The following MAP3K13 variants were observed in gnomAD, a reference collection of about 807,000 sequenced individuals.
The protein encoded by MAP3K13 is leucine zipper-bearing kinase.
A neutral mutation model predicts 104.0 loss-of-function variants in MAP3K13; 52 were observed. The ratio of observed to expected loss-of-function variants is 0.50; its 90% CI spans 0.40 to 0.63. The LOEUF is 0.63. Among genes scored for constraint, MAP3K13 ranks in the 20% least tolerant of loss-of-function variants. The probability of loss-of-function intolerance (pLI) is 0.00; values close to 1 mark genes in which losing one functional copy is unlikely to be tolerated. For synonymous variants in MAP3K13, 394 were observed against 442.2 expected, an observed-to-expected ratio of 0.89 and a Z score of 1.37; for missense variants, 914 against 1,218.5, an observed-to-expected ratio of 0.75 and a Z score of 3.72.
rs568428136 is a variant in MAP3K13, at chr3:185,304,824, G to T, written c.-86+19181G>T. 2.6e-5 allele frequency among the ~76,000 whole-genome samples: 4 copies of T among 152,238 alleles called. No individual in the cohort carries two copies. The South Asian group carries it at 8.3e-4, about 32-fold the overall frequency. Reference sequence around the variant, plus strand: ...AATTTTTGTATTTTTAGTAGAGATGGGGTTTCACAATGTTGGCCAAGATGG... The same window carrying T: ...AATTTTTGTATTTTTAGTAGAGATGTGGTTTCACAATGTTGGCCAAGATGG... On this transcript the variant is annotated intron_variant, in intron 2 of 14. Coordinates refer to the MAP3K13 transcript ENST00000424227.
At chr3:185,322,636 T>C (rs1721907162) in intron 2 of MAP3K13, among the ~76,000 whole-genome samples, 1 of 152,212 alleles carries the variant, frequency 6.6e-6, no homozygotes, top group African/African-American at 2.4e-5. Flanking sequence ...AGATGCCTTT[T>C]GGACAATTCA....
At chr3:185,324,035 G>A (rs1223934629) in intron 2 of MAP3K13, among the ~76,000 whole-genome samples, 2 of 151,978 alleles carry the variant, frequency 1.3e-5, no homozygotes, top group Non-Finnish European at 2.9e-5. Context: ...TTTTGAGACG[G>A]AGTCTTGCTC....
chr3:185,370,529 A>C (rs1724100007), intron 1 of MAP3K13, among the ~76,000 whole-genome samples: 1 of 152,130 alleles, frequency 6.6e-6, no homozygotes, highest in Non-Finnish European at 1.5e-5. Flanking sequence ...TTTAGCCTCC[A>C]TGGCATGCTG....
chr3:185,423,923 C>G lies in MAP3K13; in HGVS notation c.-85-4574C>G, dbSNP rs181933331. ...TCGCCCCTGATTTCCTTCCGTCTGT[C>G]ACACGCCTTACCTTTAAAGGTCCAT... On this transcript the variant is annotated intron_variant, in intron 1 of 13. Coordinates refer to ENST00000265026, the MANE Select transcript of MAP3K13 (RefSeq NM_004721.5). The surrounding 1 kb of genome is among the most constrained non-coding windows in gnomAD (Gnocchi z 4.1). 7.4e-4 allele frequency among the ~76,000 whole-genome samples: 112 copies of G among 152,338 alleles called. No individual in the cohort carries two copies. The highest frequency in any genetic ancestry group is 1.2e-3 in the Non-Finnish European group (80 of 68,028).
chr3:185,461,645 C>T (rs1257629931), intron 7 of MAP3K13, among the ~76,000 whole-genome samples: 1 of 152,088 alleles, frequency 6.6e-6, no homozygotes, highest in Non-Finnish European at 1.5e-5. Context: ...TCGCTGCAAG[C>T]TCTGCCTCCC....
chr3:185,324,135 A>G (rs948164180), intron 2 of MAP3K13, among the ~76,000 whole-genome samples: 1 of 151,894 alleles, frequency 6.6e-6, no homozygotes, highest in African/African-American at 2.4e-5. Flanking sequence ...CTCAGCTTCC[A>G]GAGTAGCTGG....
intron 2 of MAP3K13, among the ~76,000 whole-genome samples, chr3:185,307,690 C>G (rs1377830072): frequency 6.6e-6 from 1 of 151,750 alleles, no homozygotes; most frequent in East Asian, 1.9e-4. Context: ...ATTACAGGCG[C>G]ATGCCACCAC....
At position 185,449,959 on chromosome 3, in the gene MAP3K13, A is replaced by T. The variant is rs1326955179; in HGVS notation, c.1070A>T (p.Asp357Val). 3 of 1,613,840 alleles carry T rather than the reference A, an allele frequency of 1.9e-6. No homozygotes were observed. The South Asian group carries it at 3.3e-5, about 18-fold the overall frequency. Residue 357 changes from aspartate (D) to valine (V), a missense_variant, in exon 6 of 14, where the codon GAT becomes GTT. Transcript: ENST00000265026. The stretch of plus-strand genomic sequence containing the variant: ...GGAGAGATCCCTTACAAAGATGTAG[A>T]TTCTTCAGCCATTATCTGGGGTGTT... ...LTGEIPYKDV[D>V]SSAIIWGVGS... is the part of the protein sequence containing the mutation.
intron 2 of MAP3K13, 74 bp downstream of exon 2, chr3:185,429,130 C>T (rs1714604861): frequency 7.1e-7 from 1 of 1,407,668 alleles, no homozygotes; most frequent in South Asian, 1.3e-5. Context: ...CCACCATTAG[C>T]TGGATAACCT....
At chr3:185,468,663 A>G (rs553976409) in intron 10 of MAP3K13, among the ~76,000 whole-genome samples, 79 of 152,392 alleles carry the variant, frequency 5.2e-4, no homozygotes, top group African/African-American at 1.8e-3. Context: ...TCATTCTACC[A>G]TAGCTGGACT....
rs1009749841 is a variant in MAP3K13, at chr3:185,487,457, T to G, written c.*5001T>G. On this transcript the variant is annotated 3_prime_UTR_variant, in exon 14 of 14. Transcript: ENST00000265026. Reference sequence around the variant, plus strand: ...CTGGGATTACAAACGTGAGCTGCCATGCCCAGCCTCCAGACTATTTTAAAT... The same window carrying G: ...CTGGGATTACAAACGTGAGCTGCCAGGCCCAGCCTCCAGACTATTTTAAAT... 1 of 152,098 alleles carries G rather than the reference T, an allele frequency of 6.6e-6. No homozygotes were observed. Among genetic ancestry groups the G allele is most frequent in the Middle Eastern group, 3.2e-3 (1 of 316 alleles). 9.4% of individuals were successfully genotyped at this position (152,098 alleles called of 1,614,324 possible).
At chr3:185,291,946 T>C in intron 2 of MAP3K13, 1 of 1,119,650 alleles carries the variant, frequency 8.9e-7, no homozygotes, top group Non-Finnish European at 1.1e-6. Context: ...CCATAAGTTT[T>C]CATTGATAGA....
At chr3:185,477,527 G>A in intron 12 of MAP3K13, 131 bp downstream of exon 12, 1 of 668,400 alleles carries the variant, frequency 1.5e-6, no homozygotes, top group African/African-American at 1.8e-5. Flanking sequence ...AACTCACTGT[G>A]TTCATGTTTT....
chr3:185,443,571 A>T lies in MAP3K13; in HGVS notation c.786A>T (p.Gly262=). Residue 262 remains glycine, a synonymous_variant, in exon 4 of 14, where the codon GGA becomes GGT. Transcript: ENST00000265026. The part of the protein sequence containing the change: ...TPRLLVDWST[G]IASGMNYLHL... ...GATTGCTAGTAGACTGGTCCACAGG[A>T]ATTGCAAGTGGAATGAATTATTTGC... 1 of 1,614,108 alleles carries T rather than the reference A, an allele frequency of 6.2e-7. No homozygotes were observed. The highest frequency in any genetic ancestry group is 8.5e-7 in the Non-Finnish European group (1 of 1,179,942).
In MAP3K13 at chr3:185,413,714, C is replaced by T. The variant is rs368231472; in HGVS notation, c.-85-14783C>T. ...GCACGCACCTGTAGTCCCAGCTACTCGGGAGGCTGAGGCAGGAGAATCATT... is the reference window on the plus strand; with the variant it reads ...GCACGCACCTGTAGTCCCAGCTACTTGGGAGGCTGAGGCAGGAGAATCATT... On this transcript the variant is annotated intron_variant, in intron 1 of 13. Transcript: ENST00000265026. Among the ~76,000 whole-genome samples, 63 of 152,032 alleles carry T rather than the reference C, an allele frequency of 4.1e-4. 1 individual carries two copies. The East Asian group carries it at 8.1e-3, about 20-fold the overall frequency.
In MAP3K13 at chr3:185,451,374, A is replaced by G. The variant is rs148595790; in HGVS notation, c.1257A>G (p.Gln419=). 9 of 1,613,286 alleles carry G rather than the reference A, an allele frequency of 5.6e-6. No individual in the cohort carries two copies. Among genetic ancestry groups the G allele is most frequent in the Admixed American group, 3.3e-5 (2 of 60,002 alleles). Residue 419 remains glutamine, a synonymous_variant, in exon 7 of 14, where the codon CAA becomes CAG. Transcript: ENST00000265026. The stretch of plus-strand genomic sequence containing the variant: ...CTGCAGATGTACTTGCCACCCCACA[A>G]GAAACTTACTTCAAGTCTCAGGTAA... ...IASADVLATP[Q]ETYFKSQAEW...
In MAP3K13 at chr3:185,487,527, C is replaced by T. The variant is rs1718776890; in HGVS notation, c.*5071C>T. On this transcript the variant is annotated 3_prime_UTR_variant, in exon 14 of 14. Coordinates refer to ENST00000265026, the MANE Select transcript of MAP3K13 (RefSeq NM_004721.5). ...CATTGGCATCCTTTAAGAATAAATGCATCCTTTTTGATCAAATGATTTACT... is the reference window on the plus strand; with the variant it reads ...CATTGGCATCCTTTAAGAATAAATGTATCCTTTTTGATCAAATGATTTACT... The T allele has an allele frequency of 6.6e-6, 1 of 152,108 alleles. No homozygotes were observed. Among genetic ancestry groups the T allele is most frequent in the African/African-American group, 2.4e-5 (1 of 41,412 alleles). 9.4% of individuals were successfully genotyped at this position (152,108 alleles called of 1,614,324 possible).
At chr3:185,305,044 T>C (rs893694283) in intron 2 of MAP3K13, among the ~76,000 whole-genome samples, 1 of 152,244 alleles carries the variant, frequency 6.6e-6, no homozygotes, top group African/African-American at 2.4e-5. Context: ...TAGCTTATAG[T>C]TGGGTCTTTC....
chr3:185,467,440 T>C (rs1717509411), intron 10 of MAP3K13, among the ~76,000 whole-genome samples: 2 of 152,180 alleles, frequency 1.3e-5, no homozygotes, highest in Non-Finnish European at 2.9e-5. Flanking sequence ...TTTTTAATAA[T>C]GTGGAAAGTA....
Sources: gnomAD v4.1 joint callset for allele counts (sites outside exome capture counted in the v4.1 genomes callset) on GRCh38, gnomAD v4.1.1 for gene constraint, Gnocchi (gnomAD v3.1) non-coding constraint, MANE v1.5 for transcripts, NCBI Gene and HGNC (gene_info 2026-07-23, HGNC 2026-07-21) for gene names.